Variants in EYS observed in about 807,000 individuals in gnomAD.
EYS encodes EGF-like photoreceptor maintenance factor.
In EYS, 250 loss-of-function variants were observed where a neutral mutation model predicts 282.1. The observed-to-expected ratio is 0.89, with a 90% confidence interval of 0.80 to 0.98. The LOEUF (loss-of-function observed/expected upper bound fraction) is 0.98, where lower values mean the gene tolerates loss of function less well. Ranked by LOEUF, EYS falls within the 50% of genes least tolerant of loss-of-function variation. The pLI is 0.00. For synonymous variants in EYS, 1,355 were observed against 1,282.9 expected (o/e 1.06, Z -1.20); for missense variants, 4,016 against 3,709.0 (o/e 1.08, Z -2.15).
At chr6:63,919,254 A>AGT (rs970559620) in intron 35 of EYS, among the ~76,000 whole-genome samples, 11 of 148,308 alleles carry the variant, frequency 7.4e-5, no homozygotes, top group Admixed American at 1.3e-4. Context: ...AGTGGAGAGA[A>AGT]GTGTGTGTGT....
chr6:64,344,058 T>C (rs1321299600), intron 29 of EYS, among the ~76,000 whole-genome samples: 1 of 152,116 alleles, frequency 6.6e-6, no homozygotes, highest in East Asian at 1.9e-4. Flanking sequence ...ATTGAGGCAA[T>C]AATTAATAGC....
intron 35 of EYS, among the ~76,000 whole-genome samples, chr6:63,902,805 T>C (rs1372227995): frequency 2.0e-5 from 3 of 152,022 alleles, no homozygotes; most frequent in African/African-American, 7.2e-5. Context: ...AAAATGGCAA[T>C]AGAGCAAGAG....
At chr6:64,814,109 C>T (rs902628457) in intron 21 of EYS, among the ~76,000 whole-genome samples, 2 of 151,918 alleles carry the variant, frequency 1.3e-5, no homozygotes, top group African/African-American at 4.8e-5. Context: ...AGTTTGAATC[C>T]AATCATAATC....
chr6:65,364,305 C>T (rs1353676329), intron 8 of EYS, among the ~76,000 whole-genome samples: 1 of 148,522 alleles, frequency 6.7e-6, no homozygotes, highest in Non-Finnish European at 1.5e-5. Context: ...ACATTTCCTT[C>T]CATAAGAAGT....
chr6:63,801,958 G>A (rs1417598663), intron 37 of EYS, among the ~76,000 whole-genome samples: 5 of 152,106 alleles, frequency 3.3e-5, no homozygotes, highest in African/African-American at 1.2e-4. Flanking sequence ...GAAGATAAAG[G>A]CAGCATATGG....
chr6:65,074,683 A>C (rs1239345635), intron 12 of EYS, among the ~76,000 whole-genome samples: 1 of 152,056 alleles, frequency 6.6e-6, no homozygotes, highest in Non-Finnish European at 1.5e-5. Context: ...AGATCATAGC[A>C]GAGAAATGAA....
chr6:64,472,402 C>A (rs942254015), intron 26 of EYS, among the ~76,000 whole-genome samples: 14 of 152,076 alleles, frequency 9.2e-5, no homozygotes, highest in African/African-American at 3.4e-4. Context: ...GATAAGAATG[C>A]AGATCAGAAG....
intron 15 of EYS, among the ~76,000 whole-genome samples, chr6:64,925,980 G>C (rs2150084339): frequency 6.6e-6 from 1 of 152,286 alleles, no homozygotes; most frequent in South Asian, 2.1e-4. Context: ...TGGGGAATGA[G>C]AGATGGCTCA....
At chr6:63,987,834 C>T (rs1048177410) in intron 34 of EYS, among the ~76,000 whole-genome samples, 23 of 151,606 alleles carry the variant, frequency 1.5e-4, no homozygotes, top group Admixed American at 6.6e-4. Context: ...TATTGCTTTA[C>T]ATTTATACTA....
chr6:64,475,651 AT>A (rs1374032658), intron 26 of EYS, among the ~76,000 whole-genome samples: 3 of 151,954 alleles, frequency 2.0e-5, no homozygotes, highest in Non-Finnish European at 4.4e-5. Context: ...TATCATCATG[AT>A]TGTGTCCTCG....
intron 2 of EYS, among the ~76,000 whole-genome samples, chr6:65,511,446 C>T (rs1345400191): frequency 6.6e-6 from 1 of 151,566 alleles, no homozygotes; most frequent in Non-Finnish European, 1.5e-5. Context: ...ACAACCTAAC[C>T]TTCTCTTTGC....
chr6:64,335,635 C>G (rs1024192688), intron 29 of EYS, among the ~76,000 whole-genome samples: 2 of 152,016 alleles, frequency 1.3e-5, no homozygotes, highest in African/African-American at 4.8e-5. Flanking sequence ...TCTCCCGAAC[C>G]TTTTTCAGTC....
At chr6:65,273,421 G>A (rs975015972) in intron 12 of EYS, among the ~76,000 whole-genome samples, 1 of 152,004 alleles carries the variant, frequency 6.6e-6, no homozygotes, top group Non-Finnish European at 1.5e-5. Flanking sequence ...TCACTCTAAG[G>A]AAAGTAACAG....
intron 30 of EYS, among the ~76,000 whole-genome samples, chr6:64,267,868 T>G (rs944987207): frequency 1.3e-5 from 2 of 152,136 alleles, no homozygotes; most frequent in Non-Finnish European, 2.9e-5. Context: ...TGGCAAAATT[T>G]TAAAAAATGA....
chr6:63,843,425 A>G (rs1772016343), intron 36 of EYS, among the ~76,000 whole-genome samples: 2 of 152,190 alleles, frequency 1.3e-5, no homozygotes, highest in Non-Finnish European at 1.5e-5. Context: ...GTGTACAGGA[A>G]TGCTTGTAAT....
chr6:64,117,219 T>G (rs565699781), intron 31 of EYS, among the ~76,000 whole-genome samples: 54 of 152,022 alleles, frequency 3.6e-4, no homozygotes, highest in Non-Finnish European at 6.2e-4. Flanking sequence ...GATCACAGTG[T>G]TATAAAACTG....
chr6:65,469,553 AAT>A (rs1454458518), intron 5 of EYS, among the ~76,000 whole-genome samples: 6 of 152,134 alleles, frequency 3.9e-5, no homozygotes, highest in Non-Finnish European at 7.4e-5. Context: ...TACACCTTCA[AAT>A]CTATGAGTCA....
intron 26 of EYS, among the ~76,000 whole-genome samples, chr6:64,587,994 C>A (rs1005734882): frequency 1.3e-5 from 2 of 151,918 alleles, no homozygotes; most frequent in African/African-American, 4.8e-5. Flanking sequence ...ATTTTCCTTT[C>A]CTTCATTGCC....
intron 29 of EYS, among the ~76,000 whole-genome samples, chr6:64,340,480 A>G (rs1771060082): frequency 6.6e-6 from 1 of 151,792 alleles, no homozygotes; most frequent in Non-Finnish European, 1.5e-5. Flanking sequence ...AAAGATGTCC[A>G]TATTCAATAA....
Sources: allele counts gnomAD v4.1 joint callset (sites outside exome capture counted in the v4.1 genomes callset), GRCh38; gene constraint gnomAD v4.1.1; transcripts MANE v1.5; gene names NCBI Gene and HGNC (gene_info 2026-07-23, HGNC 2026-07-21).